Variants in FAM118B observed in about 807,000 individuals in gnomAD.
FAM118B encodes protein FAM118B.
In FAM118B, 24 loss-of-function variants were observed where a neutral mutation model predicts 38.5. The ratio of observed to expected loss-of-function variants is 0.62; its 90% CI spans 0.45 to 0.88. The LOEUF is 0.88. Among genes scored for constraint, FAM118B ranks in the 40% least tolerant of loss-of-function variants. The pLI is 0.00. For synonymous variants in FAM118B, 138 were observed against 156.3 expected, an observed-to-expected ratio of 0.88 and a Z score of 0.87; for missense variants, 334 against 420.0, an observed-to-expected ratio of 0.80 and a Z score of 1.79.
intron 1 of FAM118B, among the ~76,000 whole-genome samples, chr11:126,216,621 A>C (rs1227798010): frequency 1.3e-5 from 2 of 152,246 alleles, no homozygotes; most frequent in Admixed American, 1.3e-4. Flanking sequence ...TTCTAATATG[A>C]AACACTGAAA....
chr11:126,219,242 T>C (rs1440756381), intron 1 of FAM118B, among the ~76,000 whole-genome samples: 2 of 152,072 alleles, frequency 1.3e-5, no homozygotes, highest in African/African-American at 4.8e-5. Flanking sequence ...TCATGTTTTA[T>C]ATTCTTAGTG....
At chr11:126,241,347 C>T (rs1950355360) in intron 4 of FAM118B, 1 of 247,158 alleles carries the variant, frequency 4.0e-6, no homozygotes, top group Non-Finnish European at 7.7e-6. Context: ...ACTATAAAAG[C>T]TGTGTTCTGT....
chr11:126,262,172 A>G lies in FAM118B; in HGVS notation c.*39A>G. 6.2e-7 allele frequency: 1 copy of G among 1,607,674 alleles called. No individual in the cohort carries two copies. The highest frequency in any genetic ancestry group is 8.5e-7 in the Non-Finnish European group (1 of 1,174,138). ...ATCACCACCGTTTAGACCAAGCTGT[A>G]AGGCCCTACTACAGACAGTGTTTAA... On this transcript the variant is annotated 3_prime_UTR_variant, in exon 9 of 9. Coordinates refer to ENST00000533050, the MANE Select transcript of FAM118B (RefSeq NM_024556.4).
chr11:126,219,927 G>A (rs1382423668), intron 1 of FAM118B, among the ~76,000 whole-genome samples: 1 of 151,812 alleles, frequency 6.6e-6, no homozygotes, highest in African/African-American at 2.4e-5. Flanking sequence ...GACATTGAAG[G>A]AAGAATTTTT....
In FAM118B at chr11:126,250,857, T is replaced by C; in HGVS notation, c.567+124T>C. ...AGAAAGGAAAAATTTTTTCCCTGGT[T>C]GGAGTTTTTGTTTTTCTTTTTTCTT... On this transcript the variant is annotated intron_variant, in intron 5 of 8. Coordinates refer to ENST00000533050, the MANE Select transcript of FAM118B (RefSeq NM_024556.4). This position sits in a 1 kb window ranked among gnomAD's most constrained non-coding sequence, Gnocchi z 5.1. The C allele has an allele frequency of 1.5e-6, 1 of 681,258 alleles. No individual in the cohort carries two copies. Among genetic ancestry groups the C allele is most frequent in the Non-Finnish European group, 2.4e-6 (1 of 410,154 alleles). The allele number at this position is 681,258 out of a possible 1,614,324, so 42.2% of individuals were successfully genotyped here. A position where few individuals can be genotyped will look rare whatever the true frequency, so the allele number is the denominator to read the frequency against.
chr11:126,249,484 GC>G (rs1414967788), intron 4 of FAM118B, among the ~76,000 whole-genome samples: 1 of 143,184 alleles, frequency 7.0e-6, no homozygotes, highest in Admixed American at 6.9e-5. Flanking sequence ...TGTAATCCCA[GC>G]ACTTTGGGAG....
intron 1 of FAM118B, among the ~76,000 whole-genome samples, chr11:126,224,255 T>C (rs1950107238): frequency 6.6e-6 from 1 of 152,022 alleles, no homozygotes; most frequent in South Asian, 2.1e-4. Flanking sequence ...GGCGGATTGC[T>C]TGAGTCCAGG....
chr11:126,219,349 CTTTTTTTTTTTTTTTTTTTTTTTTTTTT>C (rs549922825), intron 1 of FAM118B, among the ~76,000 whole-genome samples: 19 of 44,466 alleles, frequency 4.3e-4, no homozygotes, highest in Non-Finnish European at 4.6e-4. Flanking sequence ...TCTTGTTTAT[CTTTTTTTTTTTTTTTTTTTTTTTTTTTT>C]TTTTTTTTTT....
Position 126,253,055 on chromosome 11 carries a change from T to G in FAM118B, c.568-1250T>G, listed in dbSNP as rs563563465. 2.0e-5 allele frequency among the ~76,000 whole-genome samples: 3 copies of G among 152,314 alleles called. No homozygotes were observed. The South Asian group carries it at 6.2e-4, about 32-fold the overall frequency. On this transcript the variant is annotated intron_variant, in intron 5 of 8. Transcript: ENST00000533050. The surrounding 1 kb of genome is among the most constrained non-coding windows in gnomAD (Gnocchi z 5.1). ...GTCTAAAAACAAACAAACAAATGAT[T>G]GAAATTTTAAAACTAGCAGCTTCTA...
intron 1 of FAM118B, among the ~76,000 whole-genome samples, chr11:126,225,318 CA>C (rs1327202120): frequency 6.6e-6 from 1 of 152,164 alleles, no homozygotes; most frequent in Non-Finnish European, 1.5e-5. Flanking sequence ...CCTAAGTTTC[CA>C]ATCTTAAATT....
intron 3 of FAM118B, among the ~76,000 whole-genome samples, 180 bp from the exon 4 acceptor site, chr11:126,240,612 C>T (rs1027709142): frequency 2.6e-5 from 4 of 152,160 alleles, no homozygotes; most frequent in African/African-American, 7.2e-5. Context: ...TTTCAGCAAG[C>T]ACTGACACAA....
chr11:126,254,175 TTGTCCTATATCATGAAGCTA>T, intron 5 of FAM118B, 110 bp from the exon 6 acceptor site: 3 of 1,126,956 alleles, frequency 2.7e-6, no homozygotes, highest in Non-Finnish European at 3.7e-6. Context: ...TTTTGCATTC[TTGTCCTATATCATGAAGCTA>T]GAGAGTTTAT....
intron 1 of FAM118B, among the ~76,000 whole-genome samples, chr11:126,217,884 C>T (rs902975918): frequency 4.6e-5 from 7 of 152,174 alleles, no homozygotes; most frequent in Admixed American, 2.0e-4. Flanking sequence ...TGTAATTGCT[C>T]TAGAGATGTG....
chr11:126,242,265 A>T (rs1950369617), intron 4 of FAM118B, among the ~76,000 whole-genome samples: 1 of 152,152 alleles, frequency 6.6e-6, no homozygotes, highest in South Asian at 2.1e-4. Flanking sequence ...GACTTCTCCA[A>T]AGTTAAAAAC....
At chr11:126,222,052 T>C (rs1465230086) in intron 1 of FAM118B, among the ~76,000 whole-genome samples, 3 of 152,188 alleles carry the variant, frequency 2.0e-5, no homozygotes, top group Admixed American at 2.0e-4. Context: ...TGTTCGTTTT[T>C]GTGAGATGGT....
intron 4 of FAM118B, among the ~76,000 whole-genome samples, chr11:126,246,131 T>C (rs922024250): frequency 6.6e-5 from 10 of 152,114 alleles, no homozygotes; most frequent in African/African-American, 9.7e-5. Flanking sequence ...AAAAATGATA[T>C]ATTTAGGGGA....
chr11:126,232,282 G>A (rs1387754825), intron 2 of FAM118B, among the ~76,000 whole-genome samples: 1 of 152,086 alleles, frequency 6.6e-6, no homozygotes, highest in Non-Finnish European at 1.5e-5. Context: ...TAAGAACTTG[G>A]ACTTGAGAGG....
At chr11:126,247,454 C>G (rs567061227) in intron 4 of FAM118B, among the ~76,000 whole-genome samples, 1 of 152,042 alleles carries the variant, frequency 6.6e-6, no homozygotes, top group African/African-American at 2.4e-5. Context: ...AGGTTTTAAC[C>G]TTTTCTATTC....
At chr11:126,231,912 T>A (rs1023206072) in intron 2 of FAM118B, among the ~76,000 whole-genome samples, 1 of 152,228 alleles carries the variant, frequency 6.6e-6, no homozygotes, top group African/African-American at 2.4e-5. Context: ...TCCCAGCTTC[T>A]GAATGTAGTT....
Sources: gnomAD v4.1 joint callset for allele counts (sites outside exome capture counted in the v4.1 genomes callset) on GRCh38, gnomAD v4.1.1 for gene constraint, Gnocchi (gnomAD v3.1) non-coding constraint, MANE v1.5 for transcripts, NCBI Gene and HGNC (gene_info 2026-07-23, HGNC 2026-07-21) for gene names.